The following ADGRB2 variants were observed in gnomAD, a reference collection of about 807,000 sequenced individuals.
ADGRB2 encodes the protein adhesion G protein-coupled receptor B2.
A neutral mutation model predicts 178.7 loss-of-function variants in ADGRB2; 47 were observed. The ratio of observed to expected loss-of-function variants is 0.26; its 90% CI spans 0.21 to 0.34. The LOEUF is 0.34. ADGRB2 is among the 10% of genes least tolerant of loss of function. The probability of loss-of-function intolerance (pLI) is 1.00; values close to 1 mark genes in which losing one functional copy is unlikely to be tolerated. For missense variants in ADGRB2, 1,584 were observed against 2,180.8 expected (o/e 0.73, Z 5.45); for synonymous variants, 870 against 912.4 (o/e 0.95, Z 0.84).
intron 25 of ADGRB2, among the ~76,000 whole-genome samples, chr1:31,734,910 G>A (rs1267835396): frequency 6.6e-6 from 1 of 152,146 alleles, no homozygotes; most frequent in East Asian, 1.9e-4. Context: ...GTGTGGGGCG[G>A]TGCAGGATAG....
chr1:31,748,854 G>A (rs1039698891), intron 4 of ADGRB2, among the ~76,000 whole-genome samples: 3 of 152,206 alleles, frequency 2.0e-5, no homozygotes, highest in African/African-American at 7.2e-5. Context: ...TGTGCACTCA[G>A]CATCACCTCA....
chr1:31,744,529 T>C lies in ADGRB2; in HGVS notation c.922+119A>G. ...CCCAGCCCTTCCCACAAGCTTCATGTGGCACAGACGCGACTGAACTGCAGG... is the reference window on the plus strand; with the variant it reads ...CCCAGCCCTTCCCACAAGCTTCATGCGGCACAGACGCGACTGAACTGCAGG... On this transcript the variant is annotated intron_variant, in intron 5 of 32. Transcript: ENST00000373658. This position sits in a 1 kb window ranked among gnomAD's most constrained non-coding sequence, Gnocchi z 6.7. 2.8e-6 allele frequency: 4 copies of C among 1,447,812 alleles called. No homozygotes were observed. Among genetic ancestry groups the C allele is most frequent in the South Asian group, 1.2e-5 (1 of 80,714 alleles). 89.7% of individuals were successfully genotyped at this position (1,447,812 alleles called of 1,614,324 possible).
At position 31,732,172 on chromosome 1, in the gene ADGRB2, G is replaced by A. The variant is rs971071590; in HGVS notation, c.3721-18C>T. On this transcript the variant is annotated intron_variant, in intron 27 of 32. Transcript: ENST00000373658. Reference sequence around the variant, plus strand: ...AAGTCTGACTATAGGCAGAAAGGGAGGGGCAGGTGGGCAGAGGGAGGATTA... The same window carrying A: ...AAGTCTGACTATAGGCAGAAAGGGAAGGGCAGGTGGGCAGAGGGAGGATTA... The A allele has an allele frequency of 7.4e-6, 12 of 1,614,076 alleles. No homozygotes were observed. Among genetic ancestry groups the A allele is most frequent in the Non-Finnish European group, 7.6e-6 (9 of 1,179,960 alleles).
chr1:31,742,786 C>T lies in ADGRB2; in HGVS notation c.1252+52G>A, dbSNP rs936407029. On this transcript the variant is annotated intron_variant, in intron 7 of 32. Coordinates refer to ENST00000373658, the MANE Select transcript of ADGRB2 (RefSeq NM_001364857.2). ...CTGACTGCCTCCCCAGGTCTCCCGA[C>T]CCCCCACCGGGCTGGGCAGCGCCCT... 1.4e-5 allele frequency: 19 copies of T among 1,369,274 alleles called. No individual in the cohort carries two copies. The African/African-American group carries it at 2.3e-4, about 16-fold the overall frequency. 84.8% of individuals were successfully genotyped at this position (1,369,274 alleles called of 1,614,324 possible).
In ADGRB2 at chr1:31,740,624, C is replaced by T; in HGVS notation, c.1795-83G>A. The stretch of plus-strand genomic sequence containing the variant: ...GGCCCATCCCACTCCAGTCCACCCA[C>T]TGCTTGCATCCACGGGGAGAGAAAG... On this transcript the variant is annotated intron_variant, in intron 11 of 32. Coordinates refer to ENST00000373658, the MANE Select transcript of ADGRB2 (RefSeq NM_001364857.2). The surrounding 1 kb of genome is among the most constrained non-coding windows in gnomAD (Gnocchi z 5.9). 1 of 1,391,274 alleles carries T rather than the reference C, an allele frequency of 7.2e-7. No homozygotes were observed. The highest frequency in any genetic ancestry group is 9.6e-7 in the Non-Finnish European group (1 of 1,041,284). The allele number at this position is 1,391,274 out of a possible 1,614,324, so 86.2% of individuals were successfully genotyped here.
Position 31,735,807 on chromosome 1 carries a change from G to A in ADGRB2, c.3267+20C>T. ...CCCTCTGGGGCCATGCCCCTTCCAA[G>A]ATGCTGAACGGGCACATACCAGGAC... On this transcript the variant is annotated intron_variant, in intron 23 of 32. Transcript: ENST00000373658. The surrounding 1 kb of genome is among the most constrained non-coding windows in gnomAD (Gnocchi z 6.0). The A allele has an allele frequency of 1.9e-6, 3 of 1,607,186 alleles. No individual in the cohort carries two copies. In the South Asian group the frequency reaches 3.3e-5, roughly 18 times the overall value.
At chr1:31,748,089 CG>C (rs1300392650) in intron 4 of ADGRB2, among the ~76,000 whole-genome samples, 2 of 152,200 alleles carry the variant, frequency 1.3e-5, no homozygotes, top group Non-Finnish European at 2.9e-5. Flanking sequence ...ACCTGCTTGT[CG>C]GGGTCTCACA....
chr1:31,737,752 G>T lies in ADGRB2; in HGVS notation c.2776C>A (p.Leu926Met). 1 of 1,613,482 alleles carries T rather than the reference G, an allele frequency of 6.2e-7. No individual in the cohort carries two copies. Among genetic ancestry groups the T allele is most frequent in the African/African-American group, 1.3e-5 (1 of 75,046 alleles). Residue 926 changes from leucine to methionine, a missense_variant, in exon 19 of 33, where the codon CTG becomes ATG. Physicochemically the swap from Leu to Met is conservative, Grantham distance 15. Around this residue, in one of 3 missense-constraint regions of ADGRB2, gnomAD observed 865 missense variants for 1,192.8 expected, o/e 0.73. Coordinates refer to ENST00000373658, the MANE Select transcript of ADGRB2 (RefSeq NM_001364857.2). ...ACCGAGGGGGAGCCCGCCAGCTCCA[G>T]GGTCTGGGGAAGATGGGCAGACAGT... ...VLAQPPKDLT[L>M]ELAGSPSVPL...
At position 31,736,639 on chromosome 1, in the gene ADGRB2, A is replaced by G; in HGVS notation, c.3064T>C (p.Tyr1022His). The change falls in exon 21 of 33, where the codon TAC becomes CAC. Residue 1022 changes from tyrosine (Y) to histidine (H), a missense_variant. Transcript: ENST00000373658. ...CGCATCCGCCCAATGACAGCCAGGT[A>G]GGACTGCCAGGCCTCGGTAAGCACC... ...CWVLTEAWQS[Y>H]LAVIGRMRTR... The G allele has an allele frequency of 1.2e-6, 2 of 1,614,146 alleles. No individual in the cohort carries two copies. Among genetic ancestry groups the G allele is most frequent in the Non-Finnish European group, 1.7e-6 (2 of 1,179,992 alleles).
At position 31,728,648 on chromosome 1, in the gene ADGRB2, CAAG is replaced by C. The variant is rs1434961602; in HGVS notation, c.4381-18_4381-16del. The C allele has an allele frequency of 6.2e-7, 1 of 1,614,018 alleles. No homozygotes were observed. The highest frequency in any genetic ancestry group is 8.5e-7 in the Non-Finnish European group (1 of 1,179,964). On this transcript the variant is annotated splice_polypyrimidine_tract_variant and intron_variant, in intron 29 of 32. Transcript: ENST00000373658. The surrounding 1 kb of genome is among the most constrained non-coding windows in gnomAD (Gnocchi z 6.7). Reference sequence around the variant, plus strand: ...AATTTCTTTCGCTGGGAAGGAGCAACAAGGAGGCAATGGAGGAGAAGAAAGCTT... The same window carrying C: ...AATTTCTTTCGCTGGGAAGGAGCAACGAGGCAATGGAGGAGAAGAAAGCTT...
chr1:31,754,574 G>A lies in ADGRB2; in HGVS notation c.838+1425C>T, dbSNP rs545603444. Among the ~76,000 whole-genome samples, 92 of 152,334 alleles carry A rather than the reference G, an allele frequency of 6.0e-4. 1 individual carries two copies. Among genetic ancestry groups the A allele is most frequent in the African/African-American group, 1.9e-3 (80 of 41,564 alleles). Reference sequence around the variant, plus strand: ...AGGGCCTGTAACCTACCCGCGGCCCGGCTGTCACTCGGACGGCTTCATTGA... The same window carrying A: ...AGGGCCTGTAACCTACCCGCGGCCCAGCTGTCACTCGGACGGCTTCATTGA... On this transcript the variant is annotated intron_variant, in intron 4 of 32. Coordinates refer to ENST00000373658, the MANE Select transcript of ADGRB2 (RefSeq NM_001364857.2). This position sits in a 1 kb window ranked among gnomAD's most constrained non-coding sequence, Gnocchi z 5.7.
In ADGRB2 at chr1:31,740,500, G is replaced by A. The variant is rs764255199; in HGVS notation, c.1836C>T (p.Gly612=). The change falls in exon 12 of 33, where the codon GGC becomes GGT. Residue 612 remains glycine, a synonymous_variant. Transcript: ENST00000373658. This position sits in a 1 kb window ranked among gnomAD's most constrained non-coding sequence, Gnocchi z 5.9. ...HLAKGQRMLA[G]EGMSQVVRSL... ...TGCGCACCACCTGCGACATGCCCTC[G>A]CCTGCCAGCATGCGCTGCCCCTTGG... is the stretch of plus-strand genomic sequence containing the variant. The A allele has an allele frequency of 8.7e-6, 14 of 1,612,226 alleles. No homozygotes were observed. The highest frequency in any genetic ancestry group is 3.3e-5 in the South Asian group (3 of 90,920).
In ADGRB2 at chr1:31,738,525, C is replaced by G. The variant is rs112270548; in HGVS notation, c.2645+62G>C. ...CCTCTTGCCTTTTAGGCAGGAGACC[C>G]CTTTCTGGCAAAGGGCCCTAGGGCT... On this transcript the variant is annotated intron_variant, in intron 17 of 32. Coordinates refer to ENST00000373658, the MANE Select transcript of ADGRB2 (RefSeq NM_001364857.2). 4.9e-3 allele frequency: 7,713 copies of G among 1,564,412 alleles called. 44 individuals carry two copies. The highest frequency in any genetic ancestry group is 0.022 in the East Asian group (932 of 42,484).
chr1:31,737,720 C>G lies in ADGRB2; in HGVS notation c.2808G>C (p.Leu936=), dbSNP rs755954724. ...LELAGSPSVP[L]VIGCAVSCMA... ...TGCACGACACTGCACAGCCGATCAC[C>G]AGGGGGACCGAGGGGGAGCCCGCCA... Residue 936 remains leucine, a synonymous_variant, in exon 19 of 33, where the codon CTG becomes CTC. Coordinates refer to ENST00000373658, the MANE Select transcript of ADGRB2 (RefSeq NM_001364857.2). 8.7e-6 allele frequency: 14 copies of G among 1,613,564 alleles called. No individual in the cohort carries two copies. Among genetic ancestry groups the G allele is most frequent in the East Asian group, 2.2e-5 (1 of 44,900 alleles).
rs770434677 is a variant in ADGRB2 at position 31,756,843 on chromosome 1, C to T, written c.22-28G>A. The T allele has an allele frequency of 1.1e-5, 16 of 1,449,710 alleles. No homozygotes were observed. The highest frequency in any genetic ancestry group is 1.5e-5 in the South Asian group (1 of 67,856). 89.8% of individuals were successfully genotyped at this position (1,449,710 alleles called of 1,614,324 possible). On this transcript the variant is annotated intron_variant, in intron 3 of 32. Transcript: ENST00000373658. This position sits in a 1 kb window ranked among gnomAD's most constrained non-coding sequence, Gnocchi z 8.5. The stretch of plus-strand genomic sequence containing the variant: ...GTGGAGAGAGACAGTGGTCAGCGGG[C>T]CCCCAGCACAGCCAGCATGGGCTCT...
chr1:31,737,617 C>T (rs2271932), intron 19 of ADGRB2, 35 bp downstream of exon 19: 2 of 1,611,716 alleles, frequency 1.2e-6, no homozygotes, highest in Non-Finnish European at 1.7e-6. Flanking sequence ...CCTGCCCCCC[C>T]TCCCCCAGCC....
chr1:31,756,476 C>T lies in ADGRB2; in HGVS notation c.361G>A (p.Ala121Thr). The T allele has an allele frequency of 1.2e-6, 2 of 1,611,590 alleles. No individual in the cohort carries two copies. Among genetic ancestry groups the T allele is most frequent in the Non-Finnish European group, 8.5e-7 (1 of 1,178,720 alleles). The change falls in exon 4 of 33, where the codon GCG becomes ACG. Residue 121 changes from alanine (A) to threonine (T), a missense_variant. Ala to Thr is a moderately conservative substitution (Grantham distance 58). Coordinates refer to ENST00000373658, the MANE Select transcript of ADGRB2 (RefSeq NM_001364857.2). This position sits in a 1 kb window ranked among gnomAD's most constrained non-coding sequence, Gnocchi z 8.5. ...TCTGGCCGCCCCACCTCTGACTCCG[C>T]CTGGGCCACCGCCTCCTCGGGGCTA... ...RPSPEEAVAQ[A>T]ESEVGRPEEE...
In ADGRB2 at chr1:31,753,373, T is replaced by C. The variant is rs1270348863; in HGVS notation, c.838+2626A>G. Among the ~76,000 whole-genome samples, 1 of 152,210 alleles carries C rather than the reference T, an allele frequency of 6.6e-6. No individual in the cohort carries two copies. Among genetic ancestry groups the C allele is most frequent in the African/African-American group, 2.4e-5 (1 of 41,462 alleles). ...ATTAACAGGCGCCTGTACCCTCTTGTCAAACTCACTCGGCTCTGAGGCGTC... is the reference window on the plus strand; with the variant it reads ...ATTAACAGGCGCCTGTACCCTCTTGCCAAACTCACTCGGCTCTGAGGCGTC... On this transcript the variant is annotated intron_variant, in intron 4 of 32. Transcript: ENST00000373658. This position sits in a 1 kb window ranked among gnomAD's most constrained non-coding sequence, Gnocchi z 4.1.
Position 31,727,341 on chromosome 1 carries a change from C to G in ADGRB2, c.*79G>C, listed in dbSNP as rs1645038521. 1.4e-6 allele frequency: 2 copies of G among 1,468,332 alleles called. No homozygotes were observed. 91.0% of individuals were successfully genotyped at this position (1,468,332 alleles called of 1,614,324 possible). A position where few individuals can be genotyped will look rare whatever the true frequency, so the allele number is the denominator to read the frequency against. On this transcript the variant is annotated 3_prime_UTR_variant, in exon 33 of 33. Transcript: ENST00000373658. The surrounding 1 kb of genome is among the most constrained non-coding windows in gnomAD (Gnocchi z 4.4). ...CTCGGGAGAGGGGAGAGGGCGCTGG[C>G]TCCTGGGTAGTTCCAAAGTGGAGTG...
Sources: gnomAD v4.1 joint callset for allele counts (sites outside exome capture counted in the v4.1 genomes callset) on GRCh38, gnomAD v4.1.1 for gene constraint, gnomAD v4.1.1 regional missense constraint, Gnocchi (gnomAD v3.1) non-coding constraint, MANE v1.5 for transcripts, NCBI Gene and HGNC (gene_info 2026-07-23, HGNC 2026-07-21) for gene names.